Variants in OPA3 observed in about 807,000 individuals in gnomAD.
OPA3 encodes outer mitochondrial membrane lipid metabolism regulator OPA3.
Under a neutral mutation model 4.0 loss-of-function variants are expected in OPA3, and 6 were observed. That is an observed-to-expected ratio of 1.51 (90% confidence interval 0.83 to 2.99). The LOEUF is 2.99. OPA3 is among the 30% of genes most tolerant of loss of function. The pLI, the probability that OPA3 is intolerant of heterozygous loss-of-function variation, is 0.00. For synonymous variants in OPA3, 105 were observed against 117.1 expected, an observed-to-expected ratio of 0.90 and a Z score of 0.67; for missense variants, 235 against 256.2, an observed-to-expected ratio of 0.92 and a Z score of 0.56.
Position 45,549,456 on chromosome 19 carries a change from A to G in OPA3, c.*4058T>C. Reference sequence around the variant, plus strand: ...GGACAGCGCTGGGGTCAGGAATTGGAGCTCCTGCCTGTGTTCACACTCCCA... The same window carrying G: ...GGACAGCGCTGGGGTCAGGAATTGGGGCTCCTGCCTGTGTTCACACTCCCA... On this transcript the variant is annotated 3_prime_UTR_variant, in exon 2 of 2. Coordinates refer to ENST00000263275, the MANE Select transcript of OPA3 (RefSeq NM_025136.4). 1.0e-6 allele frequency: 1 copy of G among 981,766 alleles called. No homozygotes were observed. 60.8% of individuals were successfully genotyped at this position (981,766 alleles called of 1,614,324 possible). A position where few individuals can be genotyped will look rare whatever the true frequency, so the allele number is the denominator to read the frequency against.
intron 1 of OPA3, among the ~76,000 whole-genome samples, chr19:45,554,176 A>G (rs1969387566): frequency 6.6e-6 from 1 of 152,228 alleles, no homozygotes; most frequent in African/African-American, 2.4e-5. Flanking sequence ...CCAGATGCTT[A>G]GTTCCCTGTG....
intron 1 of OPA3, among the ~76,000 whole-genome samples, chr19:45,532,473 C>T (rs184492314): frequency 3.3e-5 from 5 of 152,194 alleles, no homozygotes; most frequent in Admixed American, 1.3e-4. Context: ...TGGTGACCCC[C>T]TAAATGTGTG....
chr19:45,580,600 CTATT>C (rs71173184), intron 1 of OPA3, among the ~76,000 whole-genome samples: 5,192 of 137,670 alleles, frequency 0.038, 292 homozygotes, highest in African/African-American at 0.13. Context: ...GCACAGAAGC[CTATT>C]TATTTATTTA....
At chr19:45,539,711 G>A (rs574552645) in intron 1 of OPA3, among the ~76,000 whole-genome samples, 24 of 151,148 alleles carry the variant, frequency 1.6e-4, no homozygotes, top group Admixed American at 9.9e-4. Flanking sequence ...CAGACAGCGC[G>A]TCACTGCACT....
chr19:45,581,433 C>A (rs1969854165), intron 1 of OPA3, among the ~76,000 whole-genome samples: 1 of 152,208 alleles, frequency 6.6e-6, no homozygotes, highest in East Asian at 1.9e-4. Context: ...CAGATGTCTC[C>A]TCTGCCAGGA....
intron 1 of OPA3, among the ~76,000 whole-genome samples, chr19:45,564,088 T>A (rs1042714172): frequency 7.2e-6 from 1 of 138,956 alleles, no homozygotes; most frequent in African/African-American, 2.7e-5. Flanking sequence ...CTCTGCTCCC[T>A]CCTCAAGACC....
At chr19:45,554,125 T>A (rs1969386816) in intron 1 of OPA3, among the ~76,000 whole-genome samples, 1 of 152,172 alleles carries the variant, frequency 6.6e-6, no homozygotes, top group Non-Finnish European at 1.5e-5. Flanking sequence ...ACCAGGAGCT[T>A]CCACAGCGCC....
chr19:45,570,463 A>G (rs955304354), intron 1 of OPA3, among the ~76,000 whole-genome samples: 4 of 152,080 alleles, frequency 2.6e-5, no homozygotes, highest in African/African-American at 9.7e-5. Flanking sequence ...TGGGCAGATC[A>G]CCTGAGGTCA....
intron 1 of OPA3, among the ~76,000 whole-genome samples, chr19:45,536,153 C>T (rs1969115159): frequency 6.7e-6 from 1 of 148,834 alleles, no homozygotes; most frequent in South Asian, 2.1e-4. Flanking sequence ...TGCATGAACC[C>T]AGGAGGTGGA....
At chr19:45,581,615 G>A (rs764976016) in intron 1 of OPA3, among the ~76,000 whole-genome samples, 17 of 152,204 alleles carry the variant, frequency 1.1e-4, no homozygotes, top group Admixed American at 1.3e-4. Context: ...CACAAGGCCT[G>A]GCACAGGGCA....
chr19:45,568,813 T>C (rs1278066150), intron 1 of OPA3, among the ~76,000 whole-genome samples: 2 of 151,784 alleles, frequency 1.3e-5, no homozygotes, highest in Non-Finnish European at 2.9e-5. Context: ...TGACGCAGGG[T>C]GGACCACTGG....
At chr19:45,583,279 T>C (rs765906880) in intron 1 of OPA3, among the ~76,000 whole-genome samples, 26 of 151,834 alleles carry the variant, frequency 1.7e-4, no homozygotes, top group African/African-American at 5.8e-4. Flanking sequence ...GCCTCCTGAG[T>C]AGCTGGGACC....
chr19:45,541,951 G>GT (rs1969190212), downstream of OPA3, among the ~76,000 whole-genome samples: 1 of 152,198 alleles, frequency 6.6e-6, no homozygotes, highest in Non-Finnish European at 1.5e-5. Flanking sequence ...CACGGCAGTG[G>GT]TAGGGGGTGG....
At chr19:45,571,236 C>T (rs955351529) in intron 1 of OPA3, among the ~76,000 whole-genome samples, 3 of 152,032 alleles carry the variant, frequency 2.0e-5, no homozygotes, top group African/African-American at 4.8e-5. Context: ...CTCCACCTCC[C>T]GGGTTCAAGC....
chr19:45,550,478 T>C lies in OPA3; in HGVS notation c.*3036A>G. The C allele has an allele frequency of 2.0e-6, 2 of 980,216 alleles. No individual in the cohort carries two copies. The highest frequency in any genetic ancestry group is 2.4e-6 in the Non-Finnish European group (2 of 827,858). The allele number at this position is 980,216 out of a possible 1,614,324, so 60.7% of individuals were successfully genotyped here. On this transcript the variant is annotated 3_prime_UTR_variant, in exon 2 of 2. Coordinates refer to ENST00000263275, the MANE Select transcript of OPA3 (RefSeq NM_025136.4). ...GGTCTGGGCCTCTGTGTAGAGATCG[T>C]CACCCTCCCAGCCTCTGCTCAGCCA...
chr19:45,541,691 A>C (rs866690947), downstream of OPA3, among the ~76,000 whole-genome samples: 3 of 152,172 alleles, frequency 2.0e-5, no homozygotes, highest in Middle Eastern at 0.01. Context: ...CAGCCTCCTG[A>C]GTAGCTGGGA....
intron 1 of OPA3, among the ~76,000 whole-genome samples, chr19:45,580,229 C>T (rs1969831091): frequency 1.3e-5 from 2 of 150,086 alleles, no homozygotes; most frequent in Admixed American, 1.3e-4. Context: ...AATTTGACTT[C>T]GTGATCTGCC....
downstream of OPA3, among the ~76,000 whole-genome samples, chr19:45,545,711 T>C (rs1247249572): frequency 7.4e-6 from 1 of 134,458 alleles, no homozygotes; most frequent in Non-Finnish European, 1.6e-5. Flanking sequence ...CATGCTTTTC[T>C]TTTTTTTTTT....
At chr19:45,555,012 G>A (rs184865054) in intron 1 of OPA3, among the ~76,000 whole-genome samples, 4 of 152,176 alleles carry the variant, frequency 2.6e-5, no homozygotes, top group Admixed American at 1.3e-4. Context: ...GGCTGGTCTC[G>A]ATCATCTGAC....
Sources: allele counts gnomAD v4.1 joint callset (sites outside exome capture counted in the v4.1 genomes callset), GRCh38; gene constraint gnomAD v4.1.1; transcripts MANE v1.5; gene names NCBI Gene and HGNC (gene_info 2026-07-23, HGNC 2026-07-21).